Variants in HDAC9 observed in about 807,000 individuals in gnomAD.
HDAC9 encodes MEF-2 interacting transcription repressor (MITR) protein.
HDAC9 carries 41 observed loss-of-function variants against 139.4 expected under a neutral mutation model. The ratio of observed to expected loss-of-function variants is 0.29; its 90% CI spans 0.23 to 0.38. The LOEUF is 0.38. Among genes scored for constraint, HDAC9 ranks in the 10% least tolerant of loss-of-function variants. The probability of loss-of-function intolerance (pLI) is 1.00; values close to 1 mark genes in which losing one functional copy is unlikely to be tolerated. For missense variants in HDAC9, 1,147 were observed against 1,297.0 expected (o/e 0.88, Z 1.78); for synonymous variants, 517 against 476.2 (o/e 1.09, Z -1.12).
chr7:18,863,671 G>A (rs141900039), intron 21 of HDAC9, among the ~76,000 whole-genome samples: 254 of 152,112 alleles, frequency 1.7e-3, no homozygotes, highest in African/African-American at 5.8e-3. Context: ...AATAAACATT[G>A]GACATAATAT....
At chr7:18,169,282 T>C (rs1788236253) in intron 2 of HDAC9, among the ~76,000 whole-genome samples, 2 of 152,112 alleles carry the variant, frequency 1.3e-5, no homozygotes, top group South Asian at 4.2e-4. Context: ...TTGTTTTTCT[T>C]ACATACTGTA....
chr7:18,643,741 CTAT>C (rs1786470903), intron 8 of HDAC9, among the ~76,000 whole-genome samples: 1 of 152,114 alleles, frequency 6.6e-6, no homozygotes, highest in African/African-American at 2.4e-5. Context: ...TGGAGGTGGT[CTAT>C]TATTGGAGTC....
chr7:18,277,956 G>A (rs1380458630), intron 2 of HDAC9, among the ~76,000 whole-genome samples: 3 of 152,138 alleles, frequency 2.0e-5, no homozygotes, highest in South Asian at 2.1e-4. Flanking sequence ...ACTAATTACC[G>A]TTAGTCCTTT....
chr7:18,856,863 G>A (rs1797719203), intron 21 of HDAC9, among the ~76,000 whole-genome samples: 1 of 152,104 alleles, frequency 6.6e-6, no homozygotes, highest in African/African-American at 2.4e-5. Flanking sequence ...CCACATTACT[G>A]TCTTTCCCTG....
chr7:18,769,711 A>T (rs1790122691), intron 16 of HDAC9, among the ~76,000 whole-genome samples: 1 of 152,004 alleles, frequency 6.6e-6, no homozygotes, highest in South Asian at 2.1e-4. Flanking sequence ...CCTAGGAGAA[A>T]CCCTGGATCC....
chr7:18,947,613 A>G (rs1288176803), intron 23 of HDAC9, among the ~76,000 whole-genome samples: 1 of 151,956 alleles, frequency 6.6e-6, no homozygotes, highest in Non-Finnish European at 1.5e-5. Context: ...TTTTAAAACT[A>G]AATTTACCAG....
intron 6 of HDAC9, among the ~76,000 whole-genome samples, chr7:18,601,215 AT>A (rs1301152354): frequency 1.3e-5 from 2 of 151,934 alleles, no homozygotes; most frequent in Non-Finnish European, 2.9e-5. Context: ...TACTTTCCTA[AT>A]TTTTTTGGTA....
At chr7:18,298,941 G>A (rs763971858) in intron 1 of HDAC9, among the ~76,000 whole-genome samples, 1 of 152,130 alleles carries the variant, frequency 6.6e-6, no homozygotes, top group Non-Finnish European at 1.5e-5. Flanking sequence ...AAAGTGTTCT[G>A]TATTTATAGT....
chr7:18,663,959 T>A (rs1209993607), intron 11 of HDAC9, among the ~76,000 whole-genome samples: 1 of 152,168 alleles, frequency 6.6e-6, no homozygotes, highest in Non-Finnish European at 1.5e-5. Context: ...TTACCCAGTG[T>A]CCTTATTCCT....
intron 1 of HDAC9, among the ~76,000 whole-genome samples, chr7:18,419,724 C>A (rs543014322): frequency 8.5e-5 from 13 of 152,114 alleles, no homozygotes; most frequent in African/African-American, 3.1e-4. Flanking sequence ...AGAAGTGTGA[C>A]CCATTTTTTT....
chr7:18,348,270 A>G (rs1404266468), intron 1 of HDAC9, among the ~76,000 whole-genome samples: 3 of 152,196 alleles, frequency 2.0e-5, no homozygotes, highest in Non-Finnish European at 4.4e-5. Flanking sequence ...GATATGGAGT[A>G]TAGATTCGTA....
In HDAC9 at chr7:18,140,975, A is replaced by G. The variant is rs1785858768; in HGVS notation, c.-96-21254A>G. Among the ~76,000 whole-genome samples the G allele has an allele frequency of 1.3e-5, 2 of 152,038 alleles. 1 individual carries two copies. The highest frequency in any genetic ancestry group is 4.2e-4 in the South Asian group (2 of 4,818). On this transcript the variant is annotated intron_variant, in intron 1 of 12. Transcript: ENST00000417496. ...GACTTCCCATGCCTTCATAAAGCTA[A>G]AATTCTCAATGAGCAGCATTTTTAT...
Position 18,154,669 on chromosome 7 carries a change from G to A in HDAC9, c.-96-7560G>A, listed in dbSNP as rs559434985. 4.6e-5 allele frequency among the ~76,000 whole-genome samples: 7 copies of A among 152,318 alleles called. No homozygotes were observed. In the South Asian group the frequency reaches 1.0e-3, roughly 23 times the overall value. ...ATTTTACAAGAGCACTTTGCTCAAC[G>A]TGGGGATTATCAGATCTTCAAGAGT... On this transcript the variant is annotated intron_variant, in intron 1 of 12. Transcript: ENST00000417496.
intron 6 of HDAC9, among the ~76,000 whole-genome samples, chr7:18,605,122 A>AT (rs919302912): frequency 2.0e-5 from 3 of 151,828 alleles, no homozygotes; most frequent in Non-Finnish European, 4.4e-5. Context: ...GTTTCCTTTG[A>AT]TTTTTTTCCT....
intron 2 of HDAC9, among the ~76,000 whole-genome samples, chr7:18,518,380 A>G (rs540051491): frequency 2.6e-5 from 4 of 152,348 alleles, no homozygotes; most frequent in Admixed American, 1.3e-4. Flanking sequence ...TTGTGTACAT[A>G]TGCATTTTTG....
chr7:18,234,015 T>C (rs1424605295), intron 2 of HDAC9, among the ~76,000 whole-genome samples: 1 of 152,166 alleles, frequency 6.6e-6, no homozygotes, highest in Non-Finnish European at 1.5e-5. Context: ...ACATAAAATA[T>C]GTAAGGGTTG....
At chr7:18,220,033 A>T (rs1393382893) in intron 2 of HDAC9, among the ~76,000 whole-genome samples, 1 of 152,204 alleles carries the variant, frequency 6.6e-6, no homozygotes, top group Non-Finnish European at 1.5e-5. Context: ...TATAATGTAC[A>T]CATAGTGCCT....
chr7:18,528,944 T>A (rs1409564515), intron 2 of HDAC9, among the ~76,000 whole-genome samples: 1 of 152,156 alleles, frequency 6.6e-6, no homozygotes, highest in Non-Finnish European at 1.5e-5. Flanking sequence ...AAATGGCTAT[T>A]TTAGCCATCA....
chr7:18,980,116 C>T (rs1784803142), intron 25 of HDAC9, among the ~76,000 whole-genome samples: 3 of 152,156 alleles, frequency 2.0e-5, no homozygotes, highest in South Asian at 4.1e-4. Context: ...CTTTCCTCCT[C>T]TTCCCAGGGC....
Sources: gnomAD v4.1 joint callset for allele counts (sites outside exome capture counted in the v4.1 genomes callset) on GRCh38, gnomAD v4.1.1 for gene constraint, MANE v1.5 for transcripts, NCBI Gene and HGNC (gene_info 2026-07-23, HGNC 2026-07-21) for gene names.